The following PRKN variants were observed in gnomAD, a reference collection of about 807,000 sequenced individuals.
The protein encoded by PRKN is parkin RBR E3 ubiquitin protein ligase, also known as E3 ubiquitin-protein ligase parkin.
PRKN carries 56 observed loss-of-function variants against 59.5 expected under a neutral mutation model. The ratio of observed to expected loss-of-function variants is 0.94; its 90% CI spans 0.76 to 1.18. The LOEUF is 1.18. Ranked by LOEUF, PRKN falls within the 50% of genes most tolerant of loss-of-function variation. PRKN has a pLI of 0.00. For synonymous variants in PRKN, 250 were observed against 222.1 expected (o/e 1.13, Z -1.12); for missense variants, 657 against 596.4 (o/e 1.10, Z -1.06).
At chr6:161,726,165 T>C (rs1455714152) in intron 7 of PRKN, among the ~76,000 whole-genome samples, 1 of 152,178 alleles carries the variant, frequency 6.6e-6, no homozygotes. Flanking sequence ...TGAAATAAAA[T>C]TTAGTTCACT....
rs946443306 is a variant in PRKN at position 161,410,971 on chromosome 6, G to A, written c.1084-24094C>T. On this transcript the variant is annotated intron_variant, in intron 9 of 11. Transcript: ENST00000366898. The surrounding 1 kb of genome is among the most constrained non-coding windows in gnomAD (Gnocchi z 5.3). ...TTCATCCTGAAACCGGTTTCCTCAG[G>A]TGGAAGGAAGGCAGTTGACTCATCC... 2.0e-5 allele frequency among the ~76,000 whole-genome samples: 3 copies of A among 152,144 alleles called. 1 individual carries two copies. Among genetic ancestry groups the A allele is most frequent in the African/African-American group, 7.2e-5 (3 of 41,430 alleles).
chr6:161,796,873 T>C (rs1029934894), intron 6 of PRKN, among the ~76,000 whole-genome samples: 2 of 152,242 alleles, frequency 1.3e-5, no homozygotes, highest in African/African-American at 4.8e-5. Context: ...TATCTTGTCT[T>C]TGTTTTTGCC....
chr6:162,424,354 A>G (rs1789119166), intron 2 of PRKN, among the ~76,000 whole-genome samples: 2 of 152,174 alleles, frequency 1.3e-5, no homozygotes, highest in Non-Finnish European at 2.9e-5. Flanking sequence ...TCCAGGCCCT[A>G]GAATGTACAA....
intron 7 of PRKN, among the ~76,000 whole-genome samples, chr6:161,634,213 C>T (rs1404918296): frequency 6.6e-6 from 1 of 152,144 alleles, no homozygotes; most frequent in Non-Finnish European, 1.5e-5. Context: ...CGGCCTGTAA[C>T]CACAAGGTCT....
rs1360077078 is a variant in PRKN at position 161,456,926 on chromosome 6, C to A, written c.1084-70049G>T. On this transcript the variant is annotated intron_variant, in intron 9 of 11. Coordinates refer to ENST00000366898, the MANE Select transcript of PRKN (RefSeq NM_004562.3). This position sits in a 1 kb window ranked among gnomAD's most constrained non-coding sequence, Gnocchi z 4.8. ...CAGCTGGAAGAGGCCTGGAGTGGTA[C>A]TTGGACTTTGAAGCCAAACACTTGC... Among the ~76,000 whole-genome samples, 2 of 152,160 alleles carry A rather than the reference C, an allele frequency of 1.3e-5. No homozygotes were observed. Among genetic ancestry groups the A allele is most frequent in the Non-Finnish European group, 2.9e-5 (2 of 68,034 alleles).
intron 5 of PRKN, among the ~76,000 whole-genome samples, chr6:162,034,829 C>T (rs1194233250): frequency 6.6e-6 from 1 of 152,234 alleles, no homozygotes; most frequent in East Asian, 1.9e-4. Flanking sequence ...CCTTTTATCA[C>T]GGAATTATGA....
At chr6:161,733,800 A>ATATATG (rs1554298515) in intron 7 of PRKN, among the ~76,000 whole-genome samples, 33 of 39,906 alleles carry the variant, frequency 8.3e-4, no homozygotes, top group African/African-American at 2.1e-3. Context: ...ATATATATGT[A>ATATATG]TATATATATA....
chr6:161,833,985 A>G (rs542759303), intron 6 of PRKN, among the ~76,000 whole-genome samples: 1 of 152,286 alleles, frequency 6.6e-6, no homozygotes, highest in Admixed American at 6.5e-5. Flanking sequence ...CCAATTACTT[A>G]GAAAACATGG....
intron 4 of PRKN, among the ~76,000 whole-genome samples, chr6:162,112,576 T>C (rs888409819): frequency 5.3e-5 from 8 of 152,260 alleles, no homozygotes; most frequent in African/African-American, 1.9e-4. Context: ...CCAACCTGAA[T>C]TGTAAGCACT....
At chr6:162,235,926 GAAGGAAGGAAGGAAGGAAGGAAGGAAGA>G (rs1443056899) in intron 3 of PRKN, among the ~76,000 whole-genome samples, 1 of 75,392 alleles carries the variant, frequency 1.3e-5, no homozygotes, top group African/African-American at 9.6e-5. Context: ...AGGAAGGAAG[GAAGGAAGGAAGGAAGGAAGGAAGGAAGA>G]AAGGAAGAAA....
chr6:161,661,146 C>T (rs1270956417), intron 7 of PRKN, among the ~76,000 whole-genome samples: 1 of 152,200 alleles, frequency 6.6e-6, no homozygotes. Flanking sequence ...ATTCTCCCAG[C>T]ATGGTAGCCC....
At chr6:161,629,443 C>T (rs976737198) in intron 7 of PRKN, among the ~76,000 whole-genome samples, 1 of 152,104 alleles carries the variant, frequency 6.6e-6, no homozygotes, top group African/African-American at 2.4e-5. Flanking sequence ...TTTCACCTCA[C>T]CTCTCCCAAC....
intron 1 of PRKN, among the ~76,000 whole-genome samples, chr6:162,525,585 A>G (rs566264712): frequency 1.3e-5 from 2 of 152,206 alleles, no homozygotes; most frequent in East Asian, 3.9e-4. Flanking sequence ...TCTCCTTAGC[A>G]CTTATGGCCA....
At chr6:162,252,483 T>C (rs1779474048) in intron 3 of PRKN, among the ~76,000 whole-genome samples, 1 of 152,188 alleles carries the variant, frequency 6.6e-6, no homozygotes. Flanking sequence ...TGTCCCCAAA[T>C]AATTCAGATG....
intron 4 of PRKN, among the ~76,000 whole-genome samples, chr6:162,132,291 T>C (rs563445600): frequency 7.9e-5 from 12 of 152,142 alleles, no homozygotes; most frequent in Admixed American, 3.3e-4. Context: ...GAAACCCTCA[T>C]TGTTTTTACA....
intron 1 of PRKN, among the ~76,000 whole-genome samples, chr6:162,658,658 C>CAAAAAAAAAAAAAAAAAAAAAAAAAAA (rs57853171): frequency 9.2e-6 from 1 of 109,112 alleles, no homozygotes; most frequent in African/African-American, 3.4e-5. Context: ...GAGACTCTGT[C>CAAAAAAAAAAAAAAAAAAAAAAAAAAA]AAAAAAAAAA....
chr6:161,516,497 GAAGAAGA>G lies in PRKN; in HGVS notation c.1083+32350_1083+32356del, dbSNP rs1365655989. Among the ~76,000 whole-genome samples, 66 of 77,346 alleles carry G rather than the reference GAAGAAGA, an allele frequency of 8.5e-4. No individual in the cohort carries two copies. In the South Asian group the frequency reaches 0.013, roughly 16 times the overall value. 50.7% of individuals were successfully genotyped at this position (77,346 alleles called of 152,430 possible). A position where few individuals can be genotyped will look rare whatever the true frequency, so the allele number is the denominator to read the frequency against. ...AAAAAAAAAAAAAAAAAAAAAAGAA[GAAGAAGA>G]AAGAAGAAAGAAGAAGAAGAAGAAG... is the stretch of plus-strand genomic sequence containing the variant. On this transcript the variant is annotated intron_variant, in intron 9 of 11. Transcript: ENST00000366898.
intron 7 of PRKN, among the ~76,000 whole-genome samples, chr6:161,644,366 T>C (rs1309939780): frequency 6.6e-6 from 1 of 152,234 alleles, no homozygotes; most frequent in South Asian, 2.1e-4. Context: ...CTCATCTTGC[T>C]GTTATTGTAT....
At chr6:162,298,385 G>A (rs749170306) in intron 2 of PRKN, among the ~76,000 whole-genome samples, 37 of 151,968 alleles carry the variant, frequency 2.4e-4, no homozygotes, top group Non-Finnish European at 3.8e-4. Context: ...TAACAGCTTC[G>A]CACCATGAAT....
Sources: allele counts gnomAD v4.1 joint callset (sites outside exome capture counted in the v4.1 genomes callset), GRCh38; gene constraint gnomAD v4.1.1; non-coding constraint Gnocchi (gnomAD v3.1); transcripts MANE v1.5; gene names NCBI Gene and HGNC (gene_info 2026-07-23, HGNC 2026-07-21).